The following ZSWIM5 variants were observed in gnomAD, a reference collection of about 807,000 sequenced individuals.
ZSWIM5 encodes zinc finger SWIM-type containing 5.
ZSWIM5 carries 55 observed loss-of-function variants against 119.6 expected under a neutral mutation model. That is an observed-to-expected ratio of 0.46 (90% CI 0.37 to 0.58). The LOEUF (loss-of-function observed/expected upper bound fraction) is 0.58. Among genes scored for constraint, ZSWIM5 ranks in the 20% least tolerant of loss-of-function variants. The pLI, the probability that ZSWIM5 is intolerant of heterozygous loss-of-function variation, is 0.00. For synonymous variants in ZSWIM5, 537 were observed against 606.9 expected (o/e 0.88, Z 1.69); for missense variants, 1,193 against 1,512.8 (o/e 0.79, Z 3.51).
intron 1 of ZSWIM5, among the ~76,000 whole-genome samples, chr1:45,150,591 TC>T (rs1645791035): frequency 6.6e-6 from 1 of 152,202 alleles, no homozygotes; most frequent in Non-Finnish European, 1.5e-5. Flanking sequence ...ACCTTCCAGC[TC>T]CCCTTTCTGC....
At chr1:45,044,363 G>A (rs530786971) in intron 5 of ZSWIM5, among the ~76,000 whole-genome samples, 119 of 151,950 alleles carry the variant, frequency 7.8e-4, no homozygotes, top group African/African-American at 2.6e-3. Flanking sequence ...TGAGGCTGGC[G>A]GATTGTTTGA....
In ZSWIM5 at chr1:45,177,932, A is replaced by G. The variant is rs145912050; in HGVS notation, c.595+27824T>C. Among the ~76,000 whole-genome samples, 336 of 151,994 alleles carry G rather than the reference A, an allele frequency of 2.2e-3. 5 individuals carry two copies. The highest frequency in any genetic ancestry group is 3.5e-3 in the Non-Finnish European group (235 of 67,920). On this transcript the variant is annotated intron_variant, in intron 1 of 13. Coordinates refer to ENST00000359600, the MANE Select transcript of ZSWIM5 (RefSeq NM_020883.2). ...ATTTGAGTAATAAATTCATTCCACA[A>G]GGGTGTTGGCCAGGCTGGTCTCAAA... is the stretch of plus-strand genomic sequence containing the variant.
intron 7 of ZSWIM5, among the ~76,000 whole-genome samples, chr1:45,039,925 C>T (rs1437433625): frequency 4.6e-5 from 7 of 151,966 alleles, no homozygotes; most frequent in African/African-American, 1.7e-4. Context: ...AGGCTGGTCT[C>T]GAACTCCCGA....
rs150689259 is a variant in ZSWIM5 at position 45,145,559 on chromosome 1, A to G, written c.596-57322T>C. On this transcript the variant is annotated intron_variant, in intron 1 of 13. Coordinates refer to ENST00000359600, the MANE Select transcript of ZSWIM5 (RefSeq NM_020883.2). ...GCCATTATGCTGAGTAAAAAAAGCCATCTAGAAAGGTAACACACTATATAT... is the reference window on the plus strand; with the variant it reads ...GCCATTATGCTGAGTAAAAAAAGCCGTCTAGAAAGGTAACACACTATATAT... Among the ~76,000 whole-genome samples the G allele has an allele frequency of 6.7e-4, 102 of 152,276 alleles. 2 individuals are homozygous for G. Among genetic ancestry groups the G allele is most frequent in the Middle Eastern group, 3.4e-3 (1 of 294 alleles).
intron 2 of ZSWIM5, chr1:45,069,947 A>G: frequency 1.6e-6 from 1 of 642,580 alleles, no homozygotes; most frequent in South Asian, 1.8e-5. Context: ...GAGCAAATCC[A>G]GTATCCACTG....
intron 1 of ZSWIM5, among the ~76,000 whole-genome samples, chr1:45,141,775 G>A (rs369619276): frequency 2.6e-5 from 4 of 151,814 alleles, no homozygotes; most frequent in Non-Finnish European, 5.9e-5. Flanking sequence ...CCTTGAACAC[G>A]CACACAAAAA....
chr1:45,052,408 C>T (rs2148997679), intron 4 of ZSWIM5, among the ~76,000 whole-genome samples: 1 of 152,284 alleles, frequency 6.6e-6, no homozygotes, highest in East Asian at 1.9e-4. Context: ...TTCAAAGCCT[C>T]TCAAAGCCAA....
intron 1 of ZSWIM5, among the ~76,000 whole-genome samples, chr1:45,089,993 A>G (rs1645354951): frequency 6.6e-6 from 1 of 152,216 alleles, no homozygotes; most frequent in Admixed American, 6.5e-5. Context: ...AGCTATTTTA[A>G]ATAATCTTAT....
chr1:45,070,494 A>T (rs1197800489), intron 2 of ZSWIM5: 3 of 825,696 alleles, frequency 3.6e-6, no homozygotes, highest in Non-Finnish European at 5.4e-6. Flanking sequence ...TTGAGTTTTA[A>T]AATTTTCTGC....
At chr1:45,179,076 G>GA (rs941888612) in intron 1 of ZSWIM5, among the ~76,000 whole-genome samples, 10 of 151,668 alleles carry the variant, frequency 6.6e-5, no homozygotes, top group Non-Finnish European at 1.2e-4. Context: ...GCATGAAAAA[G>GA]AAAAAAATAT....
At chr1:45,108,703 ATAT>A (rs1346447824) in intron 1 of ZSWIM5, among the ~76,000 whole-genome samples, 4 of 152,006 alleles carry the variant, frequency 2.6e-5, no homozygotes, top group African/African-American at 9.7e-5. Flanking sequence ...CATTCAAAAA[ATAT>A]TATTATGTTA....
At chr1:45,204,741 A>G (rs567411985) in intron 1 of ZSWIM5, among the ~76,000 whole-genome samples, 31 of 152,308 alleles carry the variant, frequency 2.0e-4, no homozygotes, top group African/African-American at 7.0e-4. Flanking sequence ...ATTTTCTTCA[A>G]TTAATACGAG....
chr1:45,044,747 AT>A (rs1316869801), intron 5 of ZSWIM5, among the ~76,000 whole-genome samples: 226 of 1,436 alleles, frequency 0.16, 86 homozygotes, highest in African/African-American at 0.34. Context: ...AAAAAAAAAA[AT>A]ATATATATAT....
At chr1:45,154,545 G>A (rs780633537) in intron 1 of ZSWIM5, among the ~76,000 whole-genome samples, 4 of 152,146 alleles carry the variant, frequency 2.6e-5, no homozygotes, top group Non-Finnish European at 5.9e-5. Flanking sequence ...GCCACATGTA[G>A]GAGAATGAAA....
chr1:45,169,008 C>A (rs910898503), intron 1 of ZSWIM5, among the ~76,000 whole-genome samples: 1 of 152,096 alleles, frequency 6.6e-6, no homozygotes, highest in East Asian at 1.9e-4. Context: ...AATACCCAAA[C>A]TCTTCAGAAA....
At position 45,135,721 on chromosome 1, in the gene ZSWIM5, A is replaced by C. The variant is rs116522728; in HGVS notation, c.596-47484T>G. ...AGCCATTTTTTTTCTTTGACTTTTAATCTTCCATTATCAGAACAAACCAAT... is the reference window on the plus strand; with the variant it reads ...AGCCATTTTTTTTCTTTGACTTTTACTCTTCCATTATCAGAACAAACCAAT... On this transcript the variant is annotated intron_variant, in intron 1 of 13. Transcript: ENST00000359600. Among the ~76,000 whole-genome samples, 721 of 152,320 alleles carry C rather than the reference A, an allele frequency of 4.7e-3. 2 individuals carry two copies. Among genetic ancestry groups the C allele is most frequent in the South Asian group, 0.033 (161 of 4,824 alleles).
chr1:45,140,389 C>A (rs576880372), intron 1 of ZSWIM5, among the ~76,000 whole-genome samples: 7 of 152,244 alleles, frequency 4.6e-5, no homozygotes, highest in African/African-American at 1.7e-4. Context: ...AAAAAGTTTG[C>A]TGACCTCTGG....
chr1:45,058,202 A>AATATAATATAAT (rs1245879309), intron 4 of ZSWIM5, among the ~76,000 whole-genome samples: 1 of 152,240 alleles, frequency 6.6e-6, no homozygotes, highest in African/African-American at 2.4e-5. Context: ...AAGGAAGAAT[A>AATATAATATAAT]GAAGGTTAAG....
At chr1:45,159,654 T>TGCA (rs1645851411) in intron 1 of ZSWIM5, among the ~76,000 whole-genome samples, 1 of 152,090 alleles carries the variant, frequency 6.6e-6, no homozygotes, top group Non-Finnish European at 1.5e-5. Context: ...AGTGGCACGA[T>TGCA]CTAGGCTCAC....
Sources: allele counts gnomAD v4.1 joint callset (sites outside exome capture counted in the v4.1 genomes callset), GRCh38; gene constraint gnomAD v4.1.1; transcripts MANE v1.5; gene names NCBI Gene and HGNC (gene_info 2026-07-23, HGNC 2026-07-21).